ZFHX3: variants seen among roughly 807,000 people sequenced by gnomAD.
ZFHX3 encodes zinc finger homeobox 3.
Under a neutral mutation model 279.1 loss-of-function variants are expected in ZFHX3, and 42 were observed. The observed-to-expected ratio is 0.15, with a 90% CI of 0.12 to 0.19. The LOEUF is 0.19. ZFHX3 is among the 10% of genes least tolerant of loss of function. The pLI, the probability that ZFHX3 is intolerant of heterozygous loss-of-function variation, is 1.00. For missense variants in ZFHX3, 4,981 were observed against 4,754.0 expected, an observed-to-expected ratio of 1.05 and a Z score of -1.40; for synonymous variants, 2,293 against 1,957.8, an observed-to-expected ratio of 1.17 and a Z score of -4.52.
intron 3 of ZFHX3, among the ~76,000 whole-genome samples, chr16:73,350,846 C>G (rs889638680): frequency 1.3e-5 from 2 of 152,168 alleles, no homozygotes; most frequent in Admixed American, 1.3e-4. Flanking sequence ...TGTAGGGAAG[C>G]AGCATGTGCG....
At chr16:73,634,482 A>T (rs936040446) in intron 2 of ZFHX3, among the ~76,000 whole-genome samples, 3 of 147,990 alleles carry the variant, frequency 2.0e-5, no homozygotes, top group Non-Finnish European at 3.0e-5. Context: ...TGTAAAAGTC[A>T]TAACCCCATT....
intron 7 of ZFHX3, among the ~76,000 whole-genome samples, chr16:73,129,911 C>T (rs1387038395): frequency 1.3e-5 from 2 of 152,054 alleles, no homozygotes; most frequent in Non-Finnish European, 2.9e-5. Context: ...TTTTAATTAA[C>T]CATCCTCCTT....
intron 2 of ZFHX3, among the ~76,000 whole-genome samples, chr16:73,470,087 C>T (rs2018639942): frequency 6.6e-6 from 1 of 152,174 alleles, no homozygotes; most frequent in Admixed American, 6.6e-5. Flanking sequence ...AATGCAGATT[C>T]TTATTCATGA....
At chr16:72,971,281 A>G (rs1343149597) in intron 1 of ZFHX3, among the ~76,000 whole-genome samples, 2 of 152,196 alleles carry the variant, frequency 1.3e-5, no homozygotes, top group Non-Finnish European at 2.9e-5. Flanking sequence ...TCATTTTGCA[A>G]TAAGGGCCCT....
intron 1 of ZFHX3, among the ~76,000 whole-genome samples, chr16:72,980,467 T>C (rs1160534761): frequency 6.6e-6 from 1 of 152,112 alleles, no homozygotes; most frequent in Admixed American, 6.6e-5. Flanking sequence ...ATGTTAATAA[T>C]GTCAGTTTTG....
At chr16:73,501,234 G>C (rs1206270207) in intron 2 of ZFHX3, among the ~76,000 whole-genome samples, 1 of 152,152 alleles carries the variant, frequency 6.6e-6, no homozygotes, top group Non-Finnish European at 1.5e-5. Context: ...ATACCATCTA[G>C]ATTTGTGTAA....
At chr16:73,874,021 C>A (rs2029880958) in intron 1 of ZFHX3, among the ~76,000 whole-genome samples, 1 of 152,086 alleles carries the variant, frequency 6.6e-6, no homozygotes, top group Non-Finnish European at 1.5e-5. Flanking sequence ...AACAGTCAGC[C>A]TTTTCTCTTC....
chr16:73,335,181 A>G lies in ZFHX3; in HGVS notation c.-1290-16845T>C, dbSNP rs114218431. On this transcript the variant is annotated intron_variant, in intron 3 of 17. Coordinates refer to the ZFHX3 transcript ENST00000641206. ...AAAAGGGTGCCAAACTGTTGAAGTG[A>G]TAGCTATAATAATATTTACCAAGTG... Among the ~76,000 whole-genome samples, 1,169 of 152,220 alleles carry G rather than the reference A, an allele frequency of 7.7e-3. 16 individuals are homozygous for G. Among genetic ancestry groups the G allele is most frequent in the African/African-American group, 0.027 (1,122 of 41,518 alleles).
At chr16:72,833,891 TGTCTTCCTAGG>T (rs2037123412) in intron 4 of ZFHX3, among the ~76,000 whole-genome samples, 1 of 152,138 alleles carries the variant, frequency 6.6e-6, no homozygotes, top group South Asian at 2.1e-4. Context: ...AAAACTGCAG[TGTCTTCCTAGG>T]GTCCCTTCTG....
At chr16:73,550,914 T>C (rs1297954074) in intron 2 of ZFHX3, among the ~76,000 whole-genome samples, 1 of 152,220 alleles carries the variant, frequency 6.6e-6, no homozygotes, top group Non-Finnish European at 1.5e-5. Context: ...CTAAAGCTAA[T>C]TGCATTTCCC....
At chr16:73,631,053 C>T (rs892011708) in intron 2 of ZFHX3, among the ~76,000 whole-genome samples, 11 of 152,082 alleles carry the variant, frequency 7.2e-5, no homozygotes, top group African/African-American at 2.7e-4. Flanking sequence ...CTTGCAGCAG[C>T]GGTAAGAAAC....
chr16:72,843,074 G>A (rs1326654540), intron 4 of ZFHX3, among the ~76,000 whole-genome samples: 1 of 152,144 alleles, frequency 6.6e-6, no homozygotes, highest in Non-Finnish European at 1.5e-5. Context: ...AGCAGATCTG[G>A]GAAGGAGGAA....
chr16:73,441,248 G>GGA (rs914997306), intron 3 of ZFHX3, among the ~76,000 whole-genome samples: 2 of 151,932 alleles, frequency 1.3e-5, no homozygotes, highest in Admixed American at 6.6e-5. Flanking sequence ...TTAGAGAGAG[G>GGA]GAGAGAGAGA....
intron 1 of ZFHX3, among the ~76,000 whole-genome samples, chr16:73,013,351 G>C (rs1167814083): frequency 1.3e-5 from 2 of 152,068 alleles, no homozygotes; most frequent in Non-Finnish European, 1.5e-5. Flanking sequence ...GCAGTAGTAC[G>C]ATGTTGGCTC....
intron 1 of ZFHX3, among the ~76,000 whole-genome samples, chr16:73,823,136 A>G (rs1219496221): frequency 6.6e-6 from 1 of 152,194 alleles, no homozygotes; most frequent in Admixed American, 6.5e-5. Flanking sequence ...AAGGTCTACG[A>G]CGTATATGAA....
chr16:73,074,631 C>A (rs1260768562), intron 8 of ZFHX3, among the ~76,000 whole-genome samples: 1 of 150,132 alleles, frequency 6.7e-6, no homozygotes, highest in African/African-American at 2.4e-5. Context: ...CGACACTAAA[C>A]TGCAGATGCC....
At chr16:73,228,753 C>T (rs1239126024) in intron 5 of ZFHX3, among the ~76,000 whole-genome samples, 4 of 152,168 alleles carry the variant, frequency 2.6e-5, no homozygotes, top group Admixed American at 6.5e-5. Flanking sequence ...ATGGAGAAGT[C>T]AGCCTTGGTT....
At chr16:73,154,500 C>G (rs995818151) in intron 5 of ZFHX3, among the ~76,000 whole-genome samples, 30 of 152,232 alleles carry the variant, frequency 2.0e-4, no homozygotes, top group Admixed American at 6.5e-4. Flanking sequence ...TCAGTCTCCC[C>G]CAAGACACAC....
intron 2 of ZFHX3, among the ~76,000 whole-genome samples, chr16:73,589,199 G>A (rs532653151): frequency 7.4e-6 from 1 of 135,292 alleles, no homozygotes; most frequent in East Asian, 2.5e-4. Context: ...GGGGAAGGTT[G>A]CAGTGAGCTG....
Sources: gnomAD v4.1 joint callset for allele counts (sites outside exome capture counted in the v4.1 genomes callset) on GRCh38, gnomAD v4.1.1 for gene constraint, MANE v1.5 for transcripts, NCBI Gene and HGNC (gene_info 2026-07-23, HGNC 2026-07-21) for gene names.